PIK3CA: variants seen among roughly 807,000 people sequenced by gnomAD.
The protein encoded by PIK3CA is phosphatidylinositol 4,5-bisphosphate 3-kinase catalytic subunit alpha isoform.
Under a neutral mutation model 138.2 loss-of-function variants are expected in PIK3CA, and 27 were observed. The ratio of observed to expected loss-of-function variants is 0.20; its 90% CI spans 0.14 to 0.27. The LOEUF (loss-of-function observed/expected upper bound fraction) is 0.27. PIK3CA is among the 10% of genes least tolerant of loss of function. The probability of loss-of-function intolerance (pLI) is 1.00; values close to 1 mark genes in which losing one functional copy is unlikely to be tolerated. For synonymous variants in PIK3CA, 358 were observed against 413.2 expected (o/e 0.87, Z 1.62); for missense variants, 544 against 1,277.4 (o/e 0.43, Z 8.75).
At position 179,164,149 on chromosome 3, in the gene PIK3CA, C is replaced by A. The variant is rs114503974; in HGVS notation, c.-77+15546C>A. 5.5e-3 allele frequency among the ~76,000 whole-genome samples: 839 copies of A among 152,106 alleles called. 8 individuals are homozygous for A. Among genetic ancestry groups the A allele is most frequent in the African/African-American group, 0.018 (763 of 41,522 alleles). Reference sequence around the variant, plus strand: ...CAAAATTATGTATACTATATGAGTACAAGTATACAAAACTATAGAAAACAA... The same window carrying A: ...CAAAATTATGTATACTATATGAGTAAAAGTATACAAAACTATAGAAAACAA... On this transcript the variant is annotated intron_variant, in intron 1 of 20. Coordinates refer to ENST00000263967, the MANE Select transcript of PIK3CA (RefSeq NM_006218.4).
rs149558074 is a variant in PIK3CA, at chr3:179,158,251, T to C, written c.-77+9648T>C. Among the ~76,000 whole-genome samples the C allele has an allele frequency of 2.8e-3, 426 of 152,300 alleles. 2 individuals are homozygous for C. The highest frequency in any genetic ancestry group is 4.4e-3 in the Non-Finnish European group (297 of 67,980). The stretch of plus-strand genomic sequence containing the variant: ...ATTCTAGCTCTAGGAATCTGAATGC[T>C]ATTTCATACCTACTCCTAAGGGAAG... On this transcript the variant is annotated intron_variant, in intron 1 of 20. Coordinates refer to ENST00000263967, the MANE Select transcript of PIK3CA (RefSeq NM_006218.4).
At chr3:179,204,462 T>G in intron 5 of PIK3CA, 41 bp from the exon 6 acceptor site, 1 of 910,748 alleles carries the variant, frequency 1.1e-6, no homozygotes, top group Non-Finnish European at 1.8e-6. Context: ...TATGTGTATG[T>G]TGAGTGTATA....
At chr3:179,175,377 T>G (rs1364944136) in intron 1 of PIK3CA, among the ~76,000 whole-genome samples, 1 of 152,228 alleles carries the variant, frequency 6.6e-6, no homozygotes, top group African/African-American at 2.4e-5. Context: ...CCTGATTTTT[T>G]ATTTATTCTT....
intron 1 of PIK3CA, among the ~76,000 whole-genome samples, chr3:179,152,104 G>A (rs1488310823): frequency 1.3e-5 from 2 of 152,122 alleles, no homozygotes; most frequent in African/African-American, 4.8e-5. Context: ...TGATTCATAA[G>A]CACCAGTTTT....
At chr3:179,159,011 G>A (rs1723208586) in intron 1 of PIK3CA, among the ~76,000 whole-genome samples, 2 of 151,998 alleles carry the variant, frequency 1.3e-5, no homozygotes, top group African/African-American at 4.8e-5. Context: ...ATGATTTCAT[G>A]GTCTGTATTT....
chr3:179,152,714 T>A (rs527433316), intron 1 of PIK3CA, among the ~76,000 whole-genome samples: 2 of 152,310 alleles, frequency 1.3e-5, no homozygotes, highest in South Asian at 2.1e-4. Context: ...ACACAGTTTA[T>A]GTAATAAATC....
At chr3:179,214,161 CTT>C (rs532544562) in intron 9 of PIK3CA, among the ~76,000 whole-genome samples, 325 of 152,316 alleles carry the variant, frequency 2.1e-3, no homozygotes, top group Non-Finnish European at 3.7e-3. Flanking sequence ...TGAAGTAGCA[CTT>C]TTAATTTTCT....
chr3:179,193,916 T>C (rs375106192), intron 1 of PIK3CA, among the ~76,000 whole-genome samples: 37 of 152,292 alleles, frequency 2.4e-4, no homozygotes, highest in African/African-American at 8.2e-4. Context: ...CCAAGCTACA[T>C]TATGATTTCA....
At chr3:179,225,679 A>G (rs1201108740) in intron 16 of PIK3CA, among the ~76,000 whole-genome samples, 1 of 152,126 alleles carries the variant, frequency 6.6e-6, no homozygotes, top group Non-Finnish European at 1.5e-5. Context: ...GTTGCTCTGG[A>G]GGATTACTTG....
intron 16 of PIK3CA, 74 bp downstream of exon 16, chr3:179,224,895 A>G: frequency 9.4e-7 from 1 of 1,063,902 alleles, no homozygotes; most frequent in Admixed American, 2.1e-5. Flanking sequence ...TTTATGAACC[A>G]TGAAAACTAC....
At chr3:179,214,901 G>T (rs1319114391) in intron 9 of PIK3CA, among the ~76,000 whole-genome samples, 1 of 152,162 alleles carries the variant, frequency 6.6e-6, no homozygotes, top group Non-Finnish European at 1.5e-5. Context: ...CATAGCTTTT[G>T]AACCACAGTA....
chr3:179,223,240 T>C lies in PIK3CA; in HGVS notation c.2188-841T>C, dbSNP rs187599989. Reference sequence around the variant, plus strand: ...TATATAACAAGAAGAAAAAAACTTATTTAAATTCCAGCATGAAAATTAATT... The same window carrying C: ...TATATAACAAGAAGAAAAAAACTTACTTAAATTCCAGCATGAAAATTAATT... On this transcript the variant is annotated intron_variant, in intron 14 of 20. Coordinates refer to ENST00000263967, the MANE Select transcript of PIK3CA (RefSeq NM_006218.4). Among the ~76,000 whole-genome samples the C allele has an allele frequency of 1.3e-3, 195 of 152,322 alleles. 1 individual carries two copies. Among genetic ancestry groups the C allele is most frequent in the African/African-American group, 4.4e-3 (182 of 41,582 alleles).
intron 1 of PIK3CA, among the ~76,000 whole-genome samples, chr3:179,158,944 A>C (rs771135217): frequency 2.0e-5 from 3 of 152,026 alleles, no homozygotes; most frequent in Non-Finnish European, 4.4e-5. Flanking sequence ...GCGTTTTAGC[A>C]GTTTTGGCTA....
Position 179,203,675 on chromosome 3 carries a change from A to G in PIK3CA, c.945A>G (p.Thr315=). ...ATTCCAGACGCATTTCCACAGCTAC[A>G]CCATATATGAATGGAGAAACATCTA... ...PSYSRRISTA[T]PYMNGETSTK... Residue 315 remains threonine (T), a synonymous_variant, in exon 5 of 21, where the codon ACA becomes ACG. Transcript: ENST00000263967. 6.2e-7 allele frequency: 1 copy of G among 1,613,906 alleles called. No individual in the cohort carries two copies. The highest frequency in any genetic ancestry group is 1.1e-5 in the South Asian group (1 of 91,080).
chr3:179,199,930 T>G lies in PIK3CA; in HGVS notation c.562+31T>G, dbSNP rs201267364. ...AAAATGACTAATCTACTCTAATCAT[T>G]ACTATAGTGCAGTCTTCTACCTGTG... On this transcript the variant is annotated intron_variant, in intron 3 of 20. Coordinates refer to ENST00000263967, the MANE Select transcript of PIK3CA (RefSeq NM_006218.4). The G allele has an allele frequency of 2.5e-5, 33 of 1,324,426 alleles. No individual in the cohort carries two copies. In the Middle Eastern group the frequency reaches 1.6e-3, roughly 66 times the overall value. The allele number at this position is 1,324,426 out of a possible 1,614,324, so 82.0% of individuals were successfully genotyped here. A position where few individuals can be genotyped will look rare whatever the true frequency, so the allele number is the denominator to read the frequency against.
chr3:179,195,679 G>A (rs947940738), intron 1 of PIK3CA, among the ~76,000 whole-genome samples: 2 of 151,998 alleles, frequency 1.3e-5, no homozygotes, highest in Non-Finnish European at 2.9e-5. Flanking sequence ...TTATAATATG[G>A]GCTTTAAAAT....
chr3:179,165,415 A>G (rs553468759), intron 1 of PIK3CA, among the ~76,000 whole-genome samples: 1 of 152,164 alleles, frequency 6.6e-6, no homozygotes, highest in Non-Finnish European at 1.5e-5. Flanking sequence ...TTTTTGAAAC[A>G]AGAGTCTCAC....
chr3:179,201,225 T>C (rs1724401626), intron 3 of PIK3CA, 65 bp from the exon 4 acceptor site: 5 of 1,362,134 alleles, frequency 3.7e-6, no homozygotes, highest in South Asian at 1.3e-5. Context: ...TGAATACTTG[T>C]TGAAATTTCT....
In PIK3CA at chr3:179,209,620, A is replaced by G; in HGVS notation, c.1171A>G (p.Ile391Val). 6.2e-7 allele frequency: 1 copy of G among 1,609,362 alleles called. No individual in the cohort carries two copies. Among genetic ancestry groups the G allele is most frequent in the Non-Finnish European group, 8.5e-7 (1 of 1,177,034 alleles). ...GTGGAATGAATGGCTGAATTATGAT[A>G]TATACATTCCTGATCTTCCTCGTGC... Reference protein sequence around the residue: ...PRWNEWLNYDIYIPDLPRAAR... With the variant: ...PRWNEWLNYDVYIPDLPRAAR... Residue 391 changes from isoleucine to valine, a missense_variant, in exon 7 of 21, where the codon ATA becomes GTA. Ile to Val is a conservative substitution (Grantham distance 29, BLOSUM62 3). Around this residue, in one of 14 missense-constraint regions of PIK3CA, gnomAD observed 234 missense variants for 401.3 expected, o/e 0.58. Coordinates refer to ENST00000263967, the MANE Select transcript of PIK3CA (RefSeq NM_006218.4).
Sources: allele counts gnomAD v4.1 joint callset (sites outside exome capture counted in the v4.1 genomes callset), GRCh38; gene constraint gnomAD v4.1.1; regional missense constraint gnomAD v4.1.1; transcripts MANE v1.5; gene names NCBI Gene and HGNC (gene_info 2026-07-23, HGNC 2026-07-21).